Variants in LONP1 observed in about 807,000 individuals in gnomAD.
LONP1 encodes the protein lon peptidase 1, mitochondrial.
A neutral mutation model predicts 98.5 loss-of-function variants in LONP1; 31 were observed. The ratio of observed to expected loss-of-function variants is 0.31; its 90% confidence interval spans 0.24 to 0.42. The LOEUF (loss-of-function observed/expected upper bound fraction) is 0.42. Ranked by LOEUF, LONP1 falls within the 20% of genes least tolerant of loss-of-function variation. The pLI is 1.00. For missense variants in LONP1, 1,336 were observed against 1,350.6 expected, an observed-to-expected ratio of 0.99 and a Z score of 0.17; for synonymous variants, 781 against 594.7, an observed-to-expected ratio of 1.31 and a Z score of -4.56.
At chr19:5,709,237 C>T (rs759730731) in intron 4 of LONP1, among the ~76,000 whole-genome samples, 14 of 151,782 alleles carry the variant, frequency 9.2e-5, no homozygotes, top group African/African-American at 1.2e-4. Flanking sequence ...ACCTGTAACA[C>T]CAACACTTTG....
At chr19:5,707,485 C>T (rs1355804994) in intron 6 of LONP1, among the ~76,000 whole-genome samples, 3 of 152,266 alleles carry the variant, frequency 2.0e-5, no homozygotes, top group South Asian at 4.1e-4. Flanking sequence ...CACCGAAAGG[C>T]GGATGGATGT....
intron 6 of LONP1, 115 bp from the exon 7 acceptor site, chr19:5,707,258 G>C (rs1161514371): frequency 1.0e-5 from 8 of 787,750 alleles, no homozygotes; most frequent in Non-Finnish European, 1.7e-5. Context: ...ACCTGGCCAT[G>C]CTGTACCCAG....
rs566985268 is a variant in LONP1, at chr19:5,711,830, G to A, written c.811C>T (p.Leu271Phe). ...EPTPELPAEVLMVEVENVVHE... is the reference protein window; with the variant it reads ...EPTPELPAEVFMVEVENVVHE... Reference sequence around the variant, plus strand: ...ACAACGTTCTCTACCTCCACCATGAGCACCTCAGCCGGGAGCTCAGGGGTG... The same window carrying A: ...ACAACGTTCTCTACCTCCACCATGAACACCTCAGCCGGGAGCTCAGGGGTG... The change falls in exon 4 of 18, where the codon CTC becomes TTC. Residue 271 changes from leucine to phenylalanine, a missense_variant. This residue lies in a region of LONP1 where 457 missense variants were observed against 403.1 expected (regional missense o/e 1.13). Coordinates refer to ENST00000360614, the MANE Select transcript of LONP1 (RefSeq NM_004793.4). 6.2e-7 allele frequency: 1 copy of A among 1,612,764 alleles called. No homozygotes were observed. Among genetic ancestry groups the A allele is most frequent in the Admixed American group, 1.7e-5 (1 of 60,026 alleles).
Position 5,719,885 on chromosome 19 carries a change from T to G in LONP1, c.248A>C (p.Glu83Ala), listed in dbSNP as rs2055404836. ...CTCCGCGCCGCCCTCGGAGGCGTCC[T>G]CGCCCCCCGAGAATGCGCCTCCGCC... Reference protein sequence around the residue: ...SRGGGAFSGGEDASEGGAEEG... With the variant: ...SRGGGAFSGGADASEGGAEEG... Residue 83 changes from glutamate (E) to alanine (A), a missense_variant, in exon 1 of 18, where the codon GAG becomes GCG. Physicochemically the swap from Glu to Ala is moderately radical, Grantham distance 107. This residue lies in a region of LONP1 where 457 missense variants were observed against 403.1 expected (regional missense o/e 1.13). Transcript: ENST00000360614. 7.6e-6 allele frequency: 12 copies of G among 1,569,822 alleles called. No individual in the cohort carries two copies. The highest frequency in any genetic ancestry group is 1.0e-5 in the Non-Finnish European group (12 of 1,158,748).
intron 13 of LONP1, among the ~76,000 whole-genome samples, chr19:5,695,369 C>G (rs1039413658): frequency 6.6e-6 from 1 of 152,030 alleles, no homozygotes; most frequent in Admixed American, 6.5e-5. Flanking sequence ...CAGAGCCATG[C>G]AAGCCACTCT....
rs1321850937 is a variant in LONP1 at position 5,697,516 on chromosome 19, A to AGAAGAGGGAGGAGAGGGG, written c.1686-777_1686-760dup. Among the ~76,000 whole-genome samples, 173 of 130,512 alleles carry AGAAGAGGGAGGAGAGGGG rather than the reference A, an allele frequency of 1.3e-3. 1 individual carries two copies. Among genetic ancestry groups the AGAAGAGGGAGGAGAGGGG allele is most frequent in the African/African-American group, 4.3e-3 (149 of 34,462 alleles). The allele number at this position is 130,512 out of a possible 152,430, so 85.6% of individuals were successfully genotyped here. A position where few individuals can be genotyped will look rare whatever the true frequency, so the allele number is the denominator to read the frequency against. ...TGAGGCAGAGGGAGGAGGGGGGGAG[A>AGAAGAGGGAGGAGAGGGG]GAAGAGGGAGGAGAGGGGGAAGAGG... On this transcript the variant is annotated intron_variant, in intron 10 of 17. Coordinates refer to ENST00000360614, the MANE Select transcript of LONP1 (RefSeq NM_004793.4).
intron 10 of LONP1, among the ~76,000 whole-genome samples, chr19:5,697,187 GC>G (rs1454304930): frequency 6.6e-6 from 1 of 152,148 alleles, no homozygotes; most frequent in East Asian, 1.9e-4. Context: ...CAGGGGCCCG[GC>G]CCGCGACAGG....
intron 8 of LONP1, among the ~76,000 whole-genome samples, chr19:5,702,252 T>TGGGGG (rs56009900): frequency 8.4e-6 from 1 of 119,740 alleles, no homozygotes; most frequent in African/African-American, 3.4e-5. Context: ...GGAGGGAGGT[T>TGGGGG]GGGGGGGGGG....
rs2145580200 is a variant in LONP1 at position 5,694,849 on chromosome 19, G to A, written c.2066C>T (p.Ala689Val). The stretch of plus-strand genomic sequence containing the variant: ...CGTCAGCACGTCCGATGACAGCTTG[G>A]CCTTGCTCTCATCCAAGCCACACAG... The part of the protein sequence containing the change: ...RALCGLDESK[A>V]KLSSDVLTLL... Residue 689 changes from alanine (A) to valine (V), a missense_variant, in exon 14 of 18, where the codon GCC becomes GTC. By Grantham distance (64) the Ala-to-Val change is moderately conservative. Around this residue, in one of 5 missense-constraint regions of LONP1, gnomAD observed 555 missense variants for 542.6 expected, o/e 1.02. Coordinates refer to ENST00000360614, the MANE Select transcript of LONP1 (RefSeq NM_004793.4). 6.2e-7 allele frequency: 1 copy of A among 1,603,654 alleles called. No homozygotes were observed. The highest frequency in any genetic ancestry group is 2.2e-5 in the East Asian group (1 of 44,536).
chr19:5,696,391 G>A lies in LONP1; in HGVS notation c.1774-20C>T. 6.2e-7 allele frequency: 1 copy of A among 1,610,874 alleles called. No homozygotes were observed. Among genetic ancestry groups the A allele is most frequent in the Non-Finnish European group, 8.5e-7 (1 of 1,178,528 alleles). ...GTCCACCTGGGGCAGCAGACAGCAGGTGGTGCCCCTCGCCGTGCCCCTGGC... is the reference window on the plus strand; with the variant it reads ...GTCCACCTGGGGCAGCAGACAGCAGATGGTGCCCCTCGCCGTGCCCCTGGC... On this transcript the variant is annotated intron_variant, in intron 11 of 17. Transcript: ENST00000360614.
Position 5,719,745 on chromosome 19 carries a change from T to C in LONP1, c.388A>G (p.Thr130Ala). 6.2e-7 allele frequency: 1 copy of C among 1,613,728 alleles called. No individual in the cohort carries two copies. Among genetic ancestry groups the C allele is most frequent in the Non-Finnish European group, 8.5e-7 (1 of 1,180,008 alleles). Residue 130 changes from threonine to alanine, a missense_variant, in exon 1 of 18, where the codon ACC becomes GCC. This residue lies in a region of LONP1 where 457 missense variants were observed against 403.1 expected (regional missense o/e 1.13). Transcript: ENST00000360614. ...VFPHLPLIAI[T>A]RNPVFPRFIK... is the part of the protein sequence containing the mutation. ...AAGCGCGGGAACACCGGGTTGCGGG[T>C]GATGGCGATGAGCGGCAGGTGCGGA... is the stretch of plus-strand genomic sequence containing the variant.
intron 14 of LONP1, 42 bp downstream of exon 14, chr19:5,694,719 G>A: frequency 1.3e-6 from 2 of 1,580,012 alleles, no homozygotes; most frequent in Non-Finnish European, 1.7e-6. Context: ...GTGGGATGGT[G>A]AGGTGGGCGG....
chr19:5,719,991 C>G lies in LONP1; in HGVS notation c.142G>C (p.Ala48Pro), dbSNP rs755921744. 2 of 1,580,962 alleles carry G rather than the reference C, an allele frequency of 1.3e-6. No homozygotes were observed. Among genetic ancestry groups the G allele is most frequent in the Non-Finnish European group, 1.7e-6 (2 of 1,165,900 alleles). Residue 48 changes from alanine (A) to proline (P), a missense_variant, in exon 1 of 18, where the codon GCC (alanine) becomes CCC (proline). Ala to Pro is a conservative substitution (Grantham distance 27, BLOSUM62 -1). Coordinates refer to ENST00000360614, the MANE Select transcript of LONP1 (RefSeq NM_004793.4). Reference protein sequence around the residue: ...WLLRGQRTCDASPPWALWGRG... With the variant: ...WLLRGQRTCDPSPPWALWGRG... ...CCCCACAGTGCCCAAGGAGGAGAGG[C>G]GTCGCAGGTCCGCTGGCCTCGGAGC...
chr19:5,711,889 C>G lies in LONP1; in HGVS notation c.752G>C (p.Ser251Thr), dbSNP rs770489550. ...RGKKEAEDEL[S>T]ARHPAELAME... is the part of the protein sequence containing the mutation. ...CGCCAGCTCCGCCGGGTGCCTGGCG[C>G]TCAGCTCGTCCTCCGCCTCCTTCTT... The change falls in exon 4 of 18, where the codon AGC (serine) becomes ACC (threonine). Residue 251 changes from serine (S) to threonine (T), a missense_variant. Physicochemically the swap from Ser to Thr is moderately conservative, Grantham distance 58. This residue lies in a region of LONP1 where 457 missense variants were observed against 403.1 expected (regional missense o/e 1.13). Transcript: ENST00000360614. 7 of 1,613,012 alleles carry G rather than the reference C, an allele frequency of 4.3e-6. No individual in the cohort carries two copies. In the African/African-American group the frequency reaches 9.3e-5, roughly 22 times the overall value.
chr19:5,705,924 C>T lies in LONP1; in HGVS notation c.1215G>A (p.Lys405=). Residue 405 remains lysine (K), a synonymous_variant, in exon 8 of 18, where the codon AAG becomes AAA. Coordinates refer to ENST00000360614, the MANE Select transcript of LONP1 (RefSeq NM_004793.4). ...LLQEQLKIIK[K]ELGLEKDDKD... ...TGTCGTCCTTCTCCAGGCCCAGCTC[C>T]TTCTTGATGATCTTTAGCTGCTCCT... 6.2e-7 allele frequency: 1 copy of T among 1,614,120 alleles called. No individual in the cohort carries two copies. The highest frequency in any genetic ancestry group is 1.3e-5 in the African/African-American group (1 of 75,072).
chr19:5,700,439 G>A (rs1212676237), intron 9 of LONP1, among the ~76,000 whole-genome samples: 1 of 151,992 alleles, frequency 6.6e-6, no homozygotes, highest in Non-Finnish European at 1.5e-5. Context: ...TTGTAGAGAT[G>A]GGGGTCTCAC....
Position 5,696,717 on chromosome 19 carries a change from A to G in LONP1, c.1726T>C (p.Cys576Arg), listed in dbSNP as rs770066551. Residue 576 changes from cysteine (C) to arginine (R), a missense_variant, in exon 11 of 18, where the codon TGT becomes CGT. By Grantham distance (180) the Cys-to-Arg change is radical (BLOSUM62 -3). Around this residue, in one of 5 missense-constraint regions of LONP1, gnomAD observed 555 missense variants for 542.6 expected, o/e 1.02. Transcript: ENST00000360614. ...TTCTCCGTCTTGGTCTTCTTCAAAC[A>G]CTGGATGATCTTCCCGGGCATGGCG... Reference protein sequence around the residue: ...VGAMPGKIIQCLKKTKTENPL... With the variant: ...VGAMPGKIIQRLKKTKTENPL... 3.7e-6 allele frequency: 6 copies of G among 1,613,524 alleles called. No homozygotes were observed. In the South Asian group the frequency reaches 5.5e-5, roughly 15 times the overall value.
chr19:5,711,879 G>C lies in LONP1; in HGVS notation c.762C>G (p.His254Gln), dbSNP rs780991889. The C allele has an allele frequency of 1.9e-6, 3 of 1,612,974 alleles. No individual in the cohort carries two copies. The Admixed American group carries it at 5.0e-5, about 27-fold the overall frequency. ...TGGGCTCCATCGCCAGCTCCGCCGGGTGCCTGGCGCTCAGCTCGTCCTCCG... is the reference window on the plus strand; with the variant it reads ...TGGGCTCCATCGCCAGCTCCGCCGGCTGCCTGGCGCTCAGCTCGTCCTCCG... ...KEAEDELSARHPAELAMEPTP... is the reference protein window; with the variant it reads ...KEAEDELSARQPAELAMEPTP... Residue 254 changes from histidine (H) to glutamine (Q), a missense_variant, in exon 4 of 18, where the codon CAC (histidine) becomes CAG (glutamine). By Grantham distance (24) the His-to-Gln change is conservative (BLOSUM62 0). Coordinates refer to ENST00000360614, the MANE Select transcript of LONP1 (RefSeq NM_004793.4).
intron 1 of LONP1, among the ~76,000 whole-genome samples, chr19:5,716,577 GAAA>G (rs529669635): frequency 0.021 from 2,953 of 140,960 alleles, 50 homozygotes; most frequent in East Asian, 0.038. Flanking sequence ...TCTGTTCCCA[GAAA>G]AAAAAAAGTC....
Sources: allele counts gnomAD v4.1 joint callset (sites outside exome capture counted in the v4.1 genomes callset), GRCh38; gene constraint gnomAD v4.1.1; regional missense constraint gnomAD v4.1.1; transcripts MANE v1.5; gene names NCBI Gene and HGNC (gene_info 2026-07-23, HGNC 2026-07-21).